Variants in CA10 observed in about 807,000 individuals in gnomAD.
CA10 encodes the protein carbonic anhydrase-related protein 10.
Under a neutral mutation model 44.2 loss-of-function variants are expected in CA10, and 14 were observed. The ratio of observed to expected loss-of-function variants is 0.32; its 90% confidence interval spans 0.21 to 0.50. The LOEUF (loss-of-function observed/expected upper bound fraction) is 0.50. Among genes scored for constraint, CA10 ranks in the 20% least tolerant of loss-of-function variants. CA10 has a pLI of 0.99. For synonymous variants in CA10, 159 were observed against 141.6 expected (o/e 1.12, Z -0.87); for missense variants, 350 against 409.7 (o/e 0.85, Z 1.26).
chr17:51,805,323 TAA>T (rs1242903347), intron 3 of CA10, among the ~76,000 whole-genome samples: 1 of 152,182 alleles, frequency 6.6e-6, no homozygotes, highest in Non-Finnish European at 1.5e-5. Flanking sequence ...GGTGATTGAG[TAA>T]AAGTCTCTCC....
At chr17:51,764,550 C>T (rs1030584621) in intron 3 of CA10, among the ~76,000 whole-genome samples, 3 of 152,172 alleles carry the variant, frequency 2.0e-5, no homozygotes, top group African/African-American at 7.2e-5. Flanking sequence ...AGCTTCTGAA[C>T]CTAGTCACTA....
chr17:52,071,733 C>T (rs1987684953), intron 2 of CA10, among the ~76,000 whole-genome samples: 1 of 152,094 alleles, frequency 6.6e-6, no homozygotes, highest in Non-Finnish European at 1.5e-5. Flanking sequence ...AGCAAGAGGA[C>T]CATTAAAAGC....
At chr17:51,890,510 T>G (rs899685753) in intron 3 of CA10, among the ~76,000 whole-genome samples, 19 of 146,740 alleles carry the variant, frequency 1.3e-4, no homozygotes, top group Non-Finnish European at 2.9e-4. Flanking sequence ...TGTTTGTTTG[T>G]TTTTTTTGCC....
At chr17:51,802,565 G>GGA (rs2077089298) in intron 3 of CA10, among the ~76,000 whole-genome samples, 2 of 90,660 alleles carry the variant, frequency 2.2e-5, no homozygotes, top group African/African-American at 8.8e-5. Flanking sequence ...CCTGATGTCT[G>GGA]AAAAAAAAAA....
At chr17:52,113,711 C>A (rs1238990133) in intron 1 of CA10, among the ~76,000 whole-genome samples, 1 of 152,200 alleles carries the variant, frequency 6.6e-6, no homozygotes, top group Non-Finnish European at 1.5e-5. Flanking sequence ...GGCCATCCTA[C>A]TTCCTCTTAC....
At chr17:51,922,054 T>C (rs1982255508) in intron 3 of CA10, among the ~76,000 whole-genome samples, 1 of 152,166 alleles carries the variant, frequency 6.6e-6, no homozygotes. Context: ...CAAAAACACC[T>C]GTGATGGTAG....
chr17:51,764,027 A>T (rs889112285), intron 3 of CA10, among the ~76,000 whole-genome samples: 3 of 132,582 alleles, frequency 2.3e-5, no homozygotes, highest in African/African-American at 1.0e-4. Flanking sequence ...CCATGAAAGT[A>T]AAAAAAAAAA....
intron 5 of CA10, among the ~76,000 whole-genome samples, chr17:51,651,348 T>C (rs1049087978): frequency 2.6e-5 from 4 of 152,214 alleles, no homozygotes; most frequent in African/African-American, 9.6e-5. Context: ...GAATGGTCAG[T>C]CACAGCTTAA....
intron 3 of CA10, among the ~76,000 whole-genome samples, chr17:51,918,377 G>A (rs1982088466): frequency 6.6e-6 from 1 of 152,184 alleles, no homozygotes; most frequent in African/African-American, 2.4e-5. Flanking sequence ...CCTTAGATGA[G>A]ATGTGAAAAA....
At chr17:51,660,309 C>A (rs1026753708) in intron 4 of CA10, among the ~76,000 whole-genome samples, 1 of 152,166 alleles carries the variant, frequency 6.6e-6, no homozygotes, top group Non-Finnish European at 1.5e-5. Flanking sequence ...TTTCTTAGGA[C>A]CAGAGGCAAA....
chr17:52,111,860 G>A (rs774964401), intron 1 of CA10, among the ~76,000 whole-genome samples: 2 of 152,110 alleles, frequency 1.3e-5, no homozygotes, highest in African/African-American at 4.8e-5. Context: ...CAAATAAAAA[G>A]GAGCCTAAAC....
intron 6 of CA10, 27 bp downstream of exon 6, chr17:51,649,155 C>G (rs1327698768): frequency 6.5e-7 from 1 of 1,537,528 alleles, no homozygotes; most frequent in Non-Finnish European, 9.0e-7. Flanking sequence ...AGAATAGTTG[C>G]TGTGGAGGAA....
intron 1 of CA10, among the ~76,000 whole-genome samples, chr17:52,089,371 T>C (rs560984360): frequency 8.5e-5 from 13 of 152,290 alleles, no homozygotes; most frequent in Admixed American, 3.3e-4. Flanking sequence ...ATTCCAAGGT[T>C]TTCTTAGCAG....
intron 2 of CA10, among the ~76,000 whole-genome samples, chr17:52,031,898 C>T (rs187303589): frequency 8.5e-5 from 13 of 152,050 alleles, no homozygotes; most frequent in South Asian, 6.2e-4. Context: ...ATCTAGTTAC[C>T]GTGACCACAT....
intron 1 of CA10, among the ~76,000 whole-genome samples, chr17:52,122,114 C>T (rs1989027259): frequency 6.6e-6 from 1 of 152,114 alleles, no homozygotes; most frequent in South Asian, 2.1e-4. Context: ...AGTTCTAAAA[C>T]CAGACAAATC....
rs145362275 is a variant in CA10, at chr17:52,094,947, T to C, written c.62-22554A>G. On this transcript the variant is annotated intron_variant, in intron 1 of 8. Transcript: ENST00000451037. ...AAAACTACAAATTTCATCTACTCTATGACAATAATTTCACTCCTAGGTATA... is the reference window on the plus strand; with the variant it reads ...AAAACTACAAATTTCATCTACTCTACGACAATAATTTCACTCCTAGGTATA... Among the ~76,000 whole-genome samples, 255 of 152,296 alleles carry C rather than the reference T, an allele frequency of 1.7e-3. 1 individual carries two copies. Among genetic ancestry groups the C allele is most frequent in the African/African-American group, 5.8e-3 (242 of 41,568 alleles).
intron 3 of CA10, among the ~76,000 whole-genome samples, chr17:51,811,449 C>T (rs866000229): frequency 5.9e-5 from 9 of 152,262 alleles, no homozygotes; most frequent in East Asian, 3.9e-4. Flanking sequence ...AGCCCCCTCC[C>T]GACAGGCCCC....
At chr17:52,038,248 G>C (rs760274962) in intron 2 of CA10, among the ~76,000 whole-genome samples, 1 of 152,106 alleles carries the variant, frequency 6.6e-6, no homozygotes. Context: ...GAGAGGGGAC[G>C]GCTTACGAAG....
intron 3 of CA10, among the ~76,000 whole-genome samples, chr17:51,884,664 T>C (rs1454702241): frequency 1.3e-5 from 2 of 152,214 alleles, no homozygotes; most frequent in African/African-American, 4.8e-5. Context: ...CCTAGTGCTG[T>C]GTTACAAATT....
Sources: gnomAD v4.1 joint callset for allele counts (sites outside exome capture counted in the v4.1 genomes callset) on GRCh38, gnomAD v4.1.1 for gene constraint, MANE v1.5 for transcripts, NCBI Gene and HGNC (gene_info 2026-07-23, HGNC 2026-07-21) for gene names.